The following SH3BGRL2 variants were observed in gnomAD, a reference collection of about 807,000 sequenced individuals.
SH3BGRL2 encodes SH3 domain binding glutamate rich protein like 2.
SH3BGRL2 carries 21 observed loss-of-function variants against 14.8 expected under a neutral mutation model. The ratio of observed to expected loss-of-function variants is 1.42; its 90% CI spans 1.01 to 2.05. SH3BGRL2 has a LOEUF of 2.05. Among genes scored for constraint, SH3BGRL2 ranks in the 30% most tolerant of loss-of-function variants. The pLI is 0.00. For synonymous variants in SH3BGRL2, 50 were observed against 47.8 expected, an observed-to-expected ratio of 1.05 and a Z score of -0.19; for missense variants, 147 against 130.8, an observed-to-expected ratio of 1.12 and a Z score of -0.61.
the SH3BGRL2 span, among the ~76,000 whole-genome samples, chr6:79,566,661 C>T: frequency 3.3e-5 from 5 of 151,842 alleles, no homozygotes; most frequent in East Asian, 3.9e-4. Flanking sequence ...AGAACAGGGC[C>T]GGGTACATAA....
chr6:79,590,361 C>G, the SH3BGRL2 span, among the ~76,000 whole-genome samples: 4 of 144,524 alleles, frequency 2.8e-5, no homozygotes, highest in Admixed American at 7.1e-5. Flanking sequence ...GCACTATTCA[C>G]AATAGCAAAG....
At chr6:79,610,256 T>A in the SH3BGRL2 span, among the ~76,000 whole-genome samples, 1 of 152,228 alleles carries the variant, frequency 6.6e-6, no homozygotes, top group African/African-American at 2.4e-5. Context: ...TTGCATAGTC[T>A]CTTAACTCAT....
At chr6:79,641,964 G>A (rs1769041773) in intron 1 of SH3BGRL2, among the ~76,000 whole-genome samples, 1 of 152,156 alleles carries the variant, frequency 6.6e-6, no homozygotes, top group South Asian at 2.1e-4. Context: ...CCATTAGTTA[G>A]AGTTCTGCTG....
intron 3 of SH3BGRL2, among the ~76,000 whole-genome samples, chr6:79,696,904 A>T (rs768118645): frequency 2.0e-5 from 3 of 152,112 alleles, no homozygotes; most frequent in African/African-American, 4.8e-5. Flanking sequence ...TTGAAATAGC[A>T]GACTCAGAGT....
chr6:79,624,210 G>T, the SH3BGRL2 span, among the ~76,000 whole-genome samples: 1 of 151,296 alleles, frequency 6.6e-6, no homozygotes, highest in South Asian at 2.1e-4. Context: ...TTATAGTGTT[G>T]TCATCTCCTG....
intron 1 of SH3BGRL2, among the ~76,000 whole-genome samples, chr6:79,639,802 GAGTT>G (rs1196190934): frequency 5.3e-5 from 8 of 152,246 alleles, no homozygotes; most frequent in African/African-American, 1.7e-4. Context: ...TTTAGCTGGA[GAGTT>G]AGTTAGAGAT....
At chr6:79,680,572 A>G (rs1370890622) in intron 2 of SH3BGRL2, among the ~76,000 whole-genome samples, 1 of 152,142 alleles carries the variant, frequency 6.6e-6, no homozygotes, top group Non-Finnish European at 1.5e-5. Context: ...TTGATTTGCC[A>G]TATCAATTTT....
the SH3BGRL2 span, among the ~76,000 whole-genome samples, chr6:79,608,219 A>G: frequency 6.6e-6 from 1 of 152,150 alleles, no homozygotes; most frequent in Non-Finnish European, 1.5e-5. Context: ...TGAGGATTAC[A>G]ATTTAACATG....
At chr6:79,574,072 A>G in the SH3BGRL2 span, 1 of 152,210 alleles carries the variant, frequency 6.6e-6, no homozygotes, top group South Asian at 2.1e-4. Flanking sequence ...CACCGCTAAC[A>G]AAAAGCAGAT....
chr6:79,560,005 CGAA>C, the SH3BGRL2 span, among the ~76,000 whole-genome samples: 3 of 150,476 alleles, frequency 2.0e-5, no homozygotes, highest in Non-Finnish European at 4.4e-5. Flanking sequence ...GAGAAGAAGA[CGAA>C]GGAGGAGGAG....
chr6:79,539,620 T>C, the SH3BGRL2 span, among the ~76,000 whole-genome samples: 1 of 152,250 alleles, frequency 6.6e-6, no homozygotes, highest in Non-Finnish European at 1.5e-5. Context: ...TTTATTGCCA[T>C]ATGGCAATGA....
At chr6:79,602,750 C>T in the SH3BGRL2 span, among the ~76,000 whole-genome samples, 1 of 152,058 alleles carries the variant, frequency 6.6e-6, no homozygotes. Flanking sequence ...AACTTTCAGC[C>T]TCATAATTGC....
the SH3BGRL2 span, among the ~76,000 whole-genome samples, chr6:79,567,261 A>G: frequency 6.6e-6 from 1 of 152,360 alleles, no homozygotes; most frequent in South Asian, 2.1e-4. Context: ...AAAGTTTATT[A>G]AATCATTTTT....
At chr6:79,573,445 T>C in the SH3BGRL2 span, among the ~76,000 whole-genome samples, 2 of 152,178 alleles carry the variant, frequency 1.3e-5, no homozygotes, top group East Asian at 1.9e-4. Flanking sequence ...TTTGTAGTTT[T>C]TCTTCAAGAG....
At chr6:79,638,119 G>A (rs1486408880) in intron 1 of SH3BGRL2, among the ~76,000 whole-genome samples, 5 of 151,908 alleles carry the variant, frequency 3.3e-5, no homozygotes, top group Non-Finnish European at 5.9e-5. Flanking sequence ...CTTTGTGTTG[G>A]GAATATTCAG....
chr6:79,699,540 T>C lies in SH3BGRL2; in HGVS notation c.*31T>C. The C allele has an allele frequency of 1.3e-6, 2 of 1,558,012 alleles. No individual in the cohort carries two copies. Among genetic ancestry groups the C allele is most frequent in the Non-Finnish European group, 1.7e-6 (2 of 1,159,092 alleles). On this transcript the variant is annotated 3_prime_UTR_variant, in exon 4 of 4. Transcript: ENST00000369838. ...AAGAGTGGAAGATGACGGAGATGCA[T>C]TTTGAAGCACCCCTGGTACTCAGCA...
intron 3 of SH3BGRL2, among the ~76,000 whole-genome samples, 187 bp downstream of exon 3, chr6:79,696,752 TC>T (rs1405245172): frequency 6.6e-6 from 1 of 152,100 alleles, no homozygotes; most frequent in Non-Finnish European, 1.5e-5. Flanking sequence ...TTTTTGTTTT[TC>T]CCCCCAATTC....
intron 1 of SH3BGRL2, among the ~76,000 whole-genome samples, chr6:79,635,186 A>C (rs1340284803): frequency 6.6e-6 from 1 of 152,186 alleles, no homozygotes; most frequent in Non-Finnish European, 1.5e-5. Flanking sequence ...CTTGACTAAC[A>C]TTTCTCAAAA....
chr6:79,620,096 G>T, the SH3BGRL2 span, among the ~76,000 whole-genome samples: 3 of 151,852 alleles, frequency 2.0e-5, no homozygotes, highest in Admixed American at 6.6e-5. Flanking sequence ...TCCAGTTGTT[G>T]TTGTTTTTTT....
Sources: gnomAD v4.1 joint callset for allele counts (sites outside exome capture counted in the v4.1 genomes callset) on GRCh38, gnomAD v4.1.1 for gene constraint, MANE v1.5 for transcripts, NCBI Gene and HGNC (gene_info 2026-07-23, HGNC 2026-07-21) for gene names.